The following ABTB3 variants were observed in gnomAD, a reference collection of about 807,000 sequenced individuals.
The protein encoded by ABTB3 is ankyrin repeat- and BTB/POZ domain-containing protein 3.
the ABTB3 span, among the ~76,000 whole-genome samples, chr12:107,592,219 A>T: frequency 6.6e-6 from 1 of 152,232 alleles, no homozygotes; most frequent in African/African-American, 2.4e-5. Context: ...CCAGAAATGC[A>T]ATTCAATTTT....
the ABTB3 span, among the ~76,000 whole-genome samples, chr12:107,636,664 T>A: frequency 6.6e-6 from 1 of 152,220 alleles, no homozygotes; most frequent in African/African-American, 2.4e-5. Context: ...TCTGACCATG[T>A]GTAGAGGAAA....
chr12:107,529,416 C>T, the ABTB3 span, among the ~76,000 whole-genome samples: 5 of 150,110 alleles, frequency 3.3e-5, no homozygotes, highest in East Asian at 2.0e-4. Context: ...ATGACAGAGA[C>T]GATAATCATG....
At chr12:107,342,975 C>T in the ABTB3 span, among the ~76,000 whole-genome samples, 2 of 152,148 alleles carry the variant, frequency 1.3e-5, no homozygotes, top group Non-Finnish European at 2.9e-5. Context: ...GGACTGTAAG[C>T]TCTTCTAGGG....
chr12:107,559,027 A>G, the ABTB3 span, among the ~76,000 whole-genome samples: 1 of 152,184 alleles, frequency 6.6e-6, no homozygotes, highest in Non-Finnish European at 1.5e-5. Context: ...ACAAGCAGGG[A>G]CTGGGCTTTG....
At chr12:107,487,210 A>G in the ABTB3 span, among the ~76,000 whole-genome samples, 1 of 152,140 alleles carries the variant, frequency 6.6e-6, no homozygotes, top group Admixed American at 6.5e-5. Context: ...AGACCAGAGA[A>G]GTCGTCTGTT....
the ABTB3 span, among the ~76,000 whole-genome samples, chr12:107,514,146 T>A: frequency 5.9e-5 from 9 of 152,236 alleles, no homozygotes; most frequent in Non-Finnish European, 1.3e-4. Flanking sequence ...AAGTTCTTTG[T>A]CCCAGTTGCA....
chr12:107,328,927 C>T, the ABTB3 span, among the ~76,000 whole-genome samples: 18 of 152,164 alleles, frequency 1.2e-4, no homozygotes, highest in Non-Finnish European at 2.4e-4. Context: ...AATATGTGGT[C>T]GCAGGTCTTT....
the ABTB3 span, among the ~76,000 whole-genome samples, chr12:107,633,047 G>A: frequency 3.2e-4 from 49 of 152,156 alleles, no homozygotes; most frequent in East Asian, 2.3e-3. Flanking sequence ...CTTTGGGCTC[G>A]CCCAGATAAT....
the ABTB3 span, among the ~76,000 whole-genome samples, chr12:107,550,399 A>C: frequency 6.6e-6 from 1 of 151,288 alleles, no homozygotes; most frequent in Non-Finnish European, 1.5e-5. Flanking sequence ...CTAACAAGGG[A>C]GTCTGGGAAG....
the ABTB3 span, among the ~76,000 whole-genome samples, chr12:107,512,501 T>C: frequency 6.6e-6 from 1 of 152,218 alleles, no homozygotes; most frequent in Non-Finnish European, 1.5e-5. Flanking sequence ...GCCTATCAGT[T>C]CCTGGGTAAT....
chr12:107,655,256 A>AAT, the ABTB3 span, among the ~76,000 whole-genome samples: 13,669 of 148,700 alleles, frequency 0.092, 690 homozygotes, highest in East Asian at 0.17. Context: ...GCCTCTTTCA[A>AAT]ATATATATAT....
chr12:107,378,377 C>T, the ABTB3 span, among the ~76,000 whole-genome samples: 1 of 152,200 alleles, frequency 6.6e-6, no homozygotes, highest in Admixed American at 6.5e-5. Flanking sequence ...GAGCACTCAC[C>T]ATATGCCAGG....
chr12:107,589,365 C>A, the ABTB3 span, among the ~76,000 whole-genome samples: 3 of 152,144 alleles, frequency 2.0e-5, no homozygotes, highest in Admixed American at 2.0e-4. Context: ...GACCTTCTGC[C>A]ACTGCTGGAA....
chr12:107,334,502 G>A, the ABTB3 span, among the ~76,000 whole-genome samples: 2 of 152,194 alleles, frequency 1.3e-5, no homozygotes, highest in African/African-American at 4.8e-5. Context: ...CGTGGAAAGA[G>A]CAGGTTTGGA....
the ABTB3 span, chr12:107,319,246 G>C: frequency 6.4e-7 from 1 of 1,560,998 alleles, no homozygotes; most frequent in South Asian, 1.2e-5. Context: ...GGACTCTCCA[G>C]GAGCTGGAGG....
At chr12:107,527,333 T>C in the ABTB3 span, among the ~76,000 whole-genome samples, 1 of 151,998 alleles carries the variant, frequency 6.6e-6, no homozygotes, top group African/African-American at 2.4e-5. Context: ...GTGCAGTGGC[T>C]CAATCTCAGC....
the ABTB3 span, among the ~76,000 whole-genome samples, chr12:107,332,008 C>T: frequency 6.6e-6 from 1 of 152,230 alleles, no homozygotes; most frequent in African/African-American, 2.4e-5. Flanking sequence ...CAAGAGTGAG[C>T]TGGCACCTTC....
chr12:107,446,856 C>T, the ABTB3 span, among the ~76,000 whole-genome samples: 1 of 152,206 alleles, frequency 6.6e-6, no homozygotes, highest in East Asian at 1.9e-4. Flanking sequence ...CTTCAGTTTT[C>T]TCATCTGGAA....
At chr12:107,617,289 C>T in the ABTB3 span, 1 of 1,614,180 alleles carries the variant, frequency 6.2e-7, no homozygotes, top group Non-Finnish European at 8.5e-7. Flanking sequence ...ACCCCCTTCT[C>T]TGGGCTTGCA....
Sources: allele counts gnomAD v4.1 joint callset (sites outside exome capture counted in the v4.1 genomes callset), GRCh38; gene constraint gnomAD v4.1.1; transcripts MANE v1.5; gene names NCBI Gene and HGNC (gene_info 2026-07-23, HGNC 2026-07-21).